MOCOS: variants seen among roughly 807,000 people sequenced by gnomAD.
MOCOS encodes human molybdenum cofactor sulfurase.
A neutral mutation model predicts 83.6 loss-of-function variants in MOCOS; 86 were observed. The ratio of observed to expected loss-of-function variants is 1.03; its 90% CI spans 0.86 to 1.23. The LOEUF (loss-of-function observed/expected upper bound fraction) is 1.23, where lower values mean the gene tolerates loss of function less well. Ranked by LOEUF, MOCOS falls within the 50% of genes most tolerant of loss-of-function variation. The pLI is 0.00. For synonymous variants in MOCOS, 445 were observed against 434.7 expected, an observed-to-expected ratio of 1.02 and a Z score of -0.29; for missense variants, 1,120 against 1,126.9, an observed-to-expected ratio of 0.99 and a Z score of 0.09.
chr18:36,197,160 T>C (rs2091391618), intron 2 of MOCOS, among the ~76,000 whole-genome samples: 1 of 152,108 alleles, frequency 6.6e-6, no homozygotes, highest in Non-Finnish European at 1.5e-5. Flanking sequence ...CCCCTTCACA[T>C]ATTTGGAGGC....
intron 9 of MOCOS, among the ~76,000 whole-genome samples, chr18:36,237,559 T>G (rs553826859): frequency 6.6e-5 from 10 of 152,290 alleles, no homozygotes; most frequent in African/African-American, 1.7e-4. Context: ...GATTTTTGCA[T>G]CAATGTTCAT....
intron 9 of MOCOS, among the ~76,000 whole-genome samples, chr18:36,248,537 T>TC (rs1250164668): frequency 6.6e-6 from 1 of 152,220 alleles, no homozygotes; most frequent in Non-Finnish European, 1.5e-5. Context: ...TTGAAGCAGT[T>TC]CCCCAATGTT....
chr18:36,260,085 G>C lies in MOCOS; in HGVS notation c.2319G>C (p.Leu773Phe), dbSNP rs751826723. ...EELFSLKDLS[L>F]RFRANIIING... ...TATTCTCACTGAAGGATCTCAGCTTGCGTTTTCGTGCCAATATTATTATCA... is the reference window on the plus strand; with the variant it reads ...TATTCTCACTGAAGGATCTCAGCTTCCGTTTTCGTGCCAATATTATTATCA... Residue 773 changes from leucine (L) to phenylalanine (F), a missense_variant, in exon 13 of 15, where the codon TTG becomes TTC. Transcript: ENST00000261326. 11 of 1,614,190 alleles carry C rather than the reference G, an allele frequency of 6.8e-6. No homozygotes were observed. In the South Asian group the frequency reaches 1.2e-4, roughly 18 times the overall value.
At position 36,271,259 on chromosome 18, in the gene MOCOS, A is replaced by G. The variant is rs1454525891; in HGVS notation, c.*2574A>G. ...GCTCCATGAGGACAAGTCCTGTGCC[A>G]GTATATCTCTAGTGTCAGCAGACAA... On this transcript the variant is annotated 3_prime_UTR_variant, in exon 15 of 15. Coordinates refer to ENST00000261326, the MANE Select transcript of MOCOS (RefSeq NM_017947.4). The G allele has an allele frequency of 6.6e-6, 1 of 152,224 alleles. No homozygotes were observed. The highest frequency in any genetic ancestry group is 1.9e-4 in the East Asian group (1 of 5,198). The allele number at this position is 152,224 out of a possible 1,614,324, so 9.4% of individuals were successfully genotyped here.
intron 6 of MOCOS, among the ~76,000 whole-genome samples, chr18:36,212,052 C>T (rs1356255405): frequency 6.6e-6 from 1 of 152,178 alleles, no homozygotes; most frequent in Non-Finnish European, 1.5e-5. Context: ...CTGTGGCTGG[C>T]GGTCCTAATT....
At chr18:36,243,042 A>G (rs1194614273) in intron 9 of MOCOS, among the ~76,000 whole-genome samples, 1 of 152,130 alleles carries the variant, frequency 6.6e-6, no homozygotes, top group Non-Finnish European at 1.5e-5. Context: ...GCTGTGGTAA[A>G]AGGGAATGAG....
At chr18:36,212,241 G>A (rs2091458108) in intron 6 of MOCOS, among the ~76,000 whole-genome samples, 1 of 152,222 alleles carries the variant, frequency 6.6e-6, no homozygotes, top group Admixed American at 6.5e-5. Flanking sequence ...TTCCCACACT[G>A]TAGCCATGAG....
intron 1 of MOCOS, among the ~76,000 whole-genome samples, chr18:36,191,202 C>A (rs753073377): frequency 1.3e-5 from 2 of 152,060 alleles, no homozygotes; most frequent in Non-Finnish European, 2.9e-5. Context: ...GCCTGTGCAA[C>A]TGTGAGTCAA....
chr18:36,217,294 A>G (rs969183798), intron 8 of MOCOS, among the ~76,000 whole-genome samples: 1 of 152,262 alleles, frequency 6.6e-6, no homozygotes, highest in Non-Finnish European at 1.5e-5. Context: ...GTCAACAATC[A>G]GAATTGGAGT....
intron 8 of MOCOS, 145 bp downstream of exon 8, chr18:36,216,122 G>T (rs1047579136): frequency 4.4e-5 from 40 of 899,530 alleles, no homozygotes; most frequent in African/African-American, 6.7e-5. Context: ...TCCCTTTCTT[G>T]GTCTGTGCTG....
chr18:36,232,187 C>T (rs1239711340), intron 9 of MOCOS, among the ~76,000 whole-genome samples: 2 of 152,260 alleles, frequency 1.3e-5, no homozygotes, highest in Non-Finnish European at 1.5e-5. Flanking sequence ...GTTGCCCAGG[C>T]TGGTCTGAAA....
chr18:36,250,202 T>TA (rs1195816515), intron 10 of MOCOS, among the ~76,000 whole-genome samples: 3 of 152,094 alleles, frequency 2.0e-5, no homozygotes, highest in African/African-American at 7.2e-5. Flanking sequence ...TTATGTATAA[T>TA]AAAAAACCTT....
chr18:36,250,696 G>A (rs1224751337), intron 10 of MOCOS, among the ~76,000 whole-genome samples: 2 of 152,152 alleles, frequency 1.3e-5, no homozygotes, highest in Non-Finnish European at 2.9e-5. Flanking sequence ...CACCAGATTG[G>A]TAAATGCAGT....
intron 6 of MOCOS, among the ~76,000 whole-genome samples, chr18:36,210,238 C>A (rs2091449428): frequency 6.6e-6 from 1 of 152,164 alleles, no homozygotes; most frequent in Non-Finnish European, 1.5e-5. Flanking sequence ...TTTTTCTCCA[C>A]TTTTCTGAGT....
intron 10 of MOCOS, among the ~76,000 whole-genome samples, chr18:36,250,209 C>A (rs953341947): frequency 5.3e-5 from 8 of 152,024 alleles, no homozygotes; most frequent in African/African-American, 1.4e-4. Context: ...TAATAAAAAA[C>A]CTTCAGAGTG....
At chr18:36,237,233 A>T (rs1325994765) in intron 9 of MOCOS, among the ~76,000 whole-genome samples, 1 of 147,528 alleles carries the variant, frequency 6.8e-6, no homozygotes, top group Non-Finnish European at 1.5e-5. Context: ...GAATGCTTCC[A>T]GTTTTTGCCC....
intron 13 of MOCOS, among the ~76,000 whole-genome samples, chr18:36,264,868 TA>T (rs2091676401): frequency 4.6e-5 from 7 of 152,066 alleles, no homozygotes; most frequent in Admixed American, 4.6e-4. Flanking sequence ...TTTTCCCAAT[TA>T]AAAACAAAAA....
intron 9 of MOCOS, among the ~76,000 whole-genome samples, chr18:36,240,993 C>T (rs1299159720): frequency 9.2e-5 from 14 of 151,928 alleles, no homozygotes; most frequent in African/African-American, 2.4e-4. Context: ...TGCTTCGGCT[C>T]GCGCACGGTG....
chr18:36,255,417 A>G (rs2091638027), intron 11 of MOCOS, among the ~76,000 whole-genome samples: 1 of 152,216 alleles, frequency 6.6e-6, no homozygotes, highest in Non-Finnish European at 1.5e-5. Context: ...TCTGACCTAC[A>G]GGAGGATCAT....
Sources: allele counts gnomAD v4.1 joint callset (sites outside exome capture counted in the v4.1 genomes callset), GRCh38; gene constraint gnomAD v4.1.1; transcripts MANE v1.5; gene names NCBI Gene and HGNC (gene_info 2026-07-23, HGNC 2026-07-21).